Variants in SLC6A20 observed in about 807,000 individuals in gnomAD.
The protein encoded by SLC6A20 is sodium- and chloride-dependent transporter XTRP3.
In SLC6A20, 73 loss-of-function variants were observed where a neutral mutation model predicts 64.3. That is an observed-to-expected ratio of 1.14 (90% confidence interval 0.94 to 1.38). The LOEUF is 1.38. SLC6A20 is among the 40% of genes most tolerant of loss of function. The pLI is 0.00. For synonymous variants in SLC6A20, 347 were observed against 329.6 expected, an observed-to-expected ratio of 1.05 and a Z score of -0.57; for missense variants, 725 against 772.8, an observed-to-expected ratio of 0.94 and a Z score of 0.73.
At chr3:45,762,858 G>T in intron 9 of SLC6A20, 55 bp downstream of exon 9, 12 of 1,599,494 alleles carry the variant, frequency 7.5e-6, no homozygotes, top group Non-Finnish European at 9.4e-6. Flanking sequence ...CTTGAGGGGC[G>T]TGGCCTCTGT....
intron 9 of SLC6A20, among the ~76,000 whole-genome samples, chr3:45,760,710 A>G (rs1316537900): frequency 6.6e-6 from 1 of 152,368 alleles, no homozygotes; most frequent in South Asian, 2.1e-4. Context: ...AACAGCAGCC[A>G]GTTTCTCATC....
intron 7 of SLC6A20, 67 bp downstream of exon 7, chr3:45,770,142 C>A: frequency 6.3e-7 from 1 of 1,589,242 alleles, no homozygotes; most frequent in Non-Finnish European, 8.6e-7. Context: ...CCCAAGTCAG[C>A]AGCTCACCAA....
chr3:45,773,852 G>T (rs1024949163), intron 4 of SLC6A20, among the ~76,000 whole-genome samples: 2 of 152,216 alleles, frequency 1.3e-5, no homozygotes, highest in African/African-American at 4.8e-5. Context: ...AACTTGAGAA[G>T]AGTAATAAAT....
In SLC6A20 at chr3:45,796,468, A is replaced by T. The variant is rs760366170; in HGVS notation, c.-49T>A. The T allele has an allele frequency of 1.1e-5, 18 of 1,574,576 alleles. No individual in the cohort carries two copies. The highest frequency in any genetic ancestry group is 1.4e-5 in the Non-Finnish European group (16 of 1,160,640). ...CTCCGGCTCGGGGGTCCGGCACGGC[A>T]GTCTCAGTGCGCGGTCGCCAGGCGC... On this transcript the variant is annotated 5_prime_UTR_variant, in exon 1 of 11. Coordinates refer to ENST00000358525, the MANE Select transcript of SLC6A20 (RefSeq NM_020208.4).
chr3:45,783,427 C>T (rs900395961), intron 1 of SLC6A20, among the ~76,000 whole-genome samples: 1 of 152,178 alleles, frequency 6.6e-6, no homozygotes, highest in Non-Finnish European at 1.5e-5. Flanking sequence ...GTGCTGTAAC[C>T]CACTCTTCTC....
At chr3:45,779,941 CG>C (rs2125650173) in intron 3 of SLC6A20, 67 bp downstream of exon 3, 1 of 1,496,972 alleles carries the variant, frequency 6.7e-7, no homozygotes, top group South Asian at 1.2e-5. Context: ...CTTCCCCGAG[CG>C]GGTGGCCCTG....
At chr3:45,783,680 C>T (rs1232244655) in intron 1 of SLC6A20, among the ~76,000 whole-genome samples, 1 of 152,262 alleles carries the variant, frequency 6.6e-6, no homozygotes, top group Non-Finnish European at 1.5e-5. Flanking sequence ...AAAGACCAGG[C>T]AGAGCCCCCA....
chr3:45,766,035 T>A (rs1267454730), intron 7 of SLC6A20, among the ~76,000 whole-genome samples: 1 of 152,120 alleles, frequency 6.6e-6, no homozygotes, highest in Non-Finnish European at 1.5e-5. Flanking sequence ...AATAAAACAA[T>A]GGATAATTTC....
intron 10 of SLC6A20, 106 bp downstream of exon 10, chr3:45,759,751 A>G (rs923919499): frequency 7.6e-5 from 102 of 1,347,294 alleles, no homozygotes; most frequent in South Asian, 1.1e-4. Flanking sequence ...GTGACAAATA[A>G]CCTACCCACA....
intron 5 of SLC6A20, 89 bp from the exon 6 acceptor site, chr3:45,771,547 A>T: frequency 6.4e-7 from 1 of 1,574,480 alleles, no homozygotes; most frequent in Non-Finnish European, 8.6e-7. Flanking sequence ...CAGAGAGGGG[A>T]AGGAGCTCAC....
intron 2 of SLC6A20, 60 bp from the exon 3 acceptor site, chr3:45,780,160 C>T (rs1409624578): frequency 1.4e-5 from 21 of 1,504,680 alleles, no homozygotes; most frequent in Non-Finnish European, 1.8e-6. Flanking sequence ...CTCCGCCAGG[C>T]CCAGCGTGTG....
intron 1 of SLC6A20, among the ~76,000 whole-genome samples, chr3:45,789,903 T>G (rs1241542588): frequency 6.6e-6 from 1 of 152,192 alleles, no homozygotes; most frequent in Non-Finnish European, 1.5e-5. Flanking sequence ...TTTTACACAA[T>G]TTCTACGATG....
chr3:45,770,413 G>A (rs780763079), intron 6 of SLC6A20, 42 bp from the exon 7 acceptor site: 2 of 1,603,104 alleles, frequency 1.2e-6, no homozygotes, highest in Non-Finnish European at 8.5e-7. Flanking sequence ...TGATCAGAAA[G>A]GCAGCTGTCA....
chr3:45,784,440 G>C (rs764710606), intron 1 of SLC6A20, among the ~76,000 whole-genome samples: 1 of 152,180 alleles, frequency 6.6e-6, no homozygotes, highest in Non-Finnish European at 1.5e-5. Flanking sequence ...ACTTGAGTTT[G>C]AGGCAAAGAT....
chr3:45,759,887 G>A lies in SLC6A20; in HGVS notation c.1599C>T (p.Thr533=). ...AGGCGTCCCAGGCTTGATACTTCAG[G>A]GTCCCCGTGAGGATGTAGTCGCTCA... ...FYLSDYILTG[T]LKYQAWDASQ... The change falls in exon 10 of 11, where the codon ACC becomes ACT. Residue 533 remains threonine (T), a synonymous_variant. Transcript: ENST00000358525. 1 of 1,613,956 alleles carries A rather than the reference G, an allele frequency of 6.2e-7. No individual in the cohort carries two copies. Among genetic ancestry groups the A allele is most frequent in the East Asian group, 2.2e-5 (1 of 44,878 alleles).
In SLC6A20 at chr3:45,756,417, A is replaced by C. The variant is rs1376655086; in HGVS notation, c.*2561T>G. On this transcript the variant is annotated 3_prime_UTR_variant, in exon 11 of 11. Coordinates refer to ENST00000358525, the MANE Select transcript of SLC6A20 (RefSeq NM_020208.4). ...GACATAAAAGAACCTTCTGATAAGA[A>C]GATTGAATCCACGGGGTAGATAAGA... 6.6e-6 allele frequency: 1 copy of C among 152,182 alleles called. No homozygotes were observed. Among genetic ancestry groups the C allele is most frequent in the Non-Finnish European group, 1.5e-5 (1 of 68,044 alleles). The allele number at this position is 152,182 out of a possible 1,614,324, so 9.4% of individuals were successfully genotyped here.
At chr3:45,784,794 G>A (rs1700145856) in intron 1 of SLC6A20, among the ~76,000 whole-genome samples, 1 of 152,178 alleles carries the variant, frequency 6.6e-6, no homozygotes, top group African/African-American at 2.4e-5. Flanking sequence ...GGTTCTGGAG[G>A]CTGGGAAGTC....
At chr3:45,760,343 C>T (rs573645175) in intron 9 of SLC6A20, among the ~76,000 whole-genome samples, 1 of 152,306 alleles carries the variant, frequency 6.6e-6, no homozygotes, top group African/African-American at 2.4e-5. Context: ...GAATGGTGGG[C>T]ACAGGCAGCA....
chr3:45,775,762 T>C lies in SLC6A20; in HGVS notation c.581A>G (p.Lys194Arg), dbSNP rs1336702755. The change falls in exon 4 of 11, where the codon AAG becomes AGG. Residue 194 changes from lysine to arginine, a missense_variant and splice_region_variant. Coordinates refer to ENST00000358525, the MANE Select transcript of SLC6A20 (RefSeq NM_020208.4). ...CILRGTESTG[K>R]VVYFTASLPY... ...GGCTTCTGTGCCTCACTGTCCCACC[T>C]TGCCAGTGGACTCGGTGCCACGCAG... The C allele has an allele frequency of 6.2e-7, 1 of 1,613,026 alleles. No individual in the cohort carries two copies. The highest frequency in any genetic ancestry group is 8.5e-7 in the Non-Finnish European group (1 of 1,179,734).
Sources: allele counts gnomAD v4.1 joint callset (sites outside exome capture counted in the v4.1 genomes callset), GRCh38; gene constraint gnomAD v4.1.1; transcripts MANE v1.5; gene names NCBI Gene and HGNC (gene_info 2026-07-23, HGNC 2026-07-21).